HERC2: variants seen among roughly 807,000 people sequenced by gnomAD.
HERC2 encodes HECT and RLD domain containing E3 ubiquitin protein ligase 2.
In HERC2, 102 loss-of-function variants were observed where a neutral mutation model predicts 537.7. The observed-to-expected ratio is 0.19, with a 90% CI of 0.16 to 0.22. The LOEUF (loss-of-function observed/expected upper bound fraction) is 0.22, where lower values mean the gene tolerates loss of function less well. Ranked by LOEUF, HERC2 falls within the 10% of genes least tolerant of loss-of-function variation. The pLI, the probability that HERC2 is intolerant of heterozygous loss-of-function variation, is 1.00. For synonymous variants in HERC2, 2,224 were observed against 2,466.2 expected (o/e 0.90, Z 2.91); for missense variants, 4,236 against 6,198.2 (o/e 0.68, Z 10.63).
At chr15:28,284,918 G>GA (rs1239894623) in intron 4 of HERC2, among the ~76,000 whole-genome samples, 2 of 38,516 alleles carry the variant, frequency 5.2e-5, no homozygotes, top group Non-Finnish European at 1.1e-4. Flanking sequence ...ACTCCGTCTC[G>GA]GAAAAAAAAA....
chr15:28,311,778 G>A (rs2076952387), intron 2 of HERC2, among the ~76,000 whole-genome samples: 2 of 152,158 alleles, frequency 1.3e-5, no homozygotes, highest in Admixed American at 1.3e-4. Context: ...AGACCTGAAA[G>A]CACTCTAAGA....
chr15:28,244,086 C>T (rs1903416030), intron 23 of HERC2, among the ~76,000 whole-genome samples: 4 of 151,994 alleles, frequency 2.6e-5, no homozygotes, highest in Admixed American at 2.0e-4. Context: ...TCTGCTTGAG[C>T]CGGGGAGGTC....
intron 74 of HERC2, among the ~76,000 whole-genome samples, 192 bp from the exon 75 acceptor site, chr15:28,143,144 G>A (rs1350537156): frequency 6.6e-6 from 1 of 152,106 alleles, no homozygotes; most frequent in Non-Finnish European, 1.5e-5. Context: ...AAAAAGAGGA[G>A]TTTGAAGACT....
chr15:28,160,778 T>C (rs1195884826), intron 69 of HERC2, among the ~76,000 whole-genome samples: 1 of 152,210 alleles, frequency 6.6e-6, no homozygotes, highest in Non-Finnish European at 1.5e-5. Context: ...GAGATGAACC[T>C]GGTATCTCAG....
At chr15:28,282,394 G>T (rs2076042078) in intron 4 of HERC2, among the ~76,000 whole-genome samples, 2 of 151,992 alleles carry the variant, frequency 1.3e-5, no homozygotes, top group Admixed American at 6.6e-5. Flanking sequence ...AATTAAAAAC[G>T]GTCACGATAA....
At position 28,125,023 on chromosome 15, in the gene HERC2, C is replaced by A; in HGVS notation, c.12973G>T (p.Gly4325Cys). The A allele has an allele frequency of 1.2e-6, 2 of 1,601,952 alleles. No individual in the cohort carries two copies. Among genetic ancestry groups the A allele is most frequent in the South Asian group, 2.2e-5 (2 of 90,858 alleles). ...GGACTCACCTGTGCAGGGAGTTTGCCAGCACTGGCGGGCTTGCTGGTCGAC... is the reference window on the plus strand; with the variant it reads ...GGACTCACCTGTGCAGGGAGTTTGCAAGCACTGGCGGGCTTGCTGGTCGAC... ...AWSTSKPASA[G>C]KLPAQVPMEY... The change falls in exon 84 of 93, where the codon GGC becomes TGC. Residue 4325 changes from glycine to cysteine, a missense_variant. Transcript: ENST00000261609.
intron 5 of HERC2, among the ~76,000 whole-genome samples, chr15:28,278,741 G>A (rs761667214): frequency 1.3e-5 from 2 of 152,142 alleles, no homozygotes; most frequent in African/African-American, 2.4e-5. Context: ...TCTGCCTCCC[G>A]TACCTTCTAT....
chr15:28,293,131 T>C (rs2141146041), intron 3 of HERC2, 109 bp from the exon 4 acceptor site: 5 of 896,076 alleles, frequency 5.6e-6, no homozygotes, highest in East Asian at 2.4e-5. Context: ...ATTAACTGAA[T>C]GTTGGACAAC....
At chr15:28,218,289 G>A (rs1019953207) in intron 38 of HERC2, among the ~76,000 whole-genome samples, 200 bp downstream of exon 38, 106 of 152,156 alleles carry the variant, frequency 7.0e-4, no homozygotes, top group African/African-American at 2.5e-3. Flanking sequence ...AGCCCCAGAA[G>A]GAACCACCCT....
chr15:28,268,682 T>G lies in HERC2; in HGVS notation c.1447-66A>C. 3.0e-6 allele frequency: 4 copies of G among 1,346,888 alleles called. No homozygotes were observed. Among genetic ancestry groups the G allele is most frequent in the Non-Finnish European group, 4.1e-6 (4 of 966,148 alleles). The allele number at this position is 1,346,888 out of a possible 1,614,324, so 83.4% of individuals were successfully genotyped here. On this transcript the variant is annotated intron_variant, in intron 11 of 92. Transcript: ENST00000261609. The surrounding 1 kb of genome is among the most constrained non-coding windows in gnomAD (Gnocchi z 4.7). ...AAGGAAAATGAAACCAGCTCAGCTCTCCGTTATCATGTATCCCCAAGCAAA... is the reference window on the plus strand; with the variant it reads ...AAGGAAAATGAAACCAGCTCAGCTCGCCGTTATCATGTATCCCCAAGCAAA...
chr15:28,289,500 A>G (rs891588011), intron 4 of HERC2, among the ~76,000 whole-genome samples: 3 of 152,228 alleles, frequency 2.0e-5, no homozygotes, highest in Non-Finnish European at 2.9e-5. Context: ...AGAAAGAGGA[A>G]CTAAGCAGTG....
In HERC2 at chr15:28,113,504, C is replaced by T; in HGVS notation, c.14019+69G>A. ...CAGGGCAAGGTTCTGACTCTAACTG[C>T]TGTCACTGATTTGTGGGTCAGCAGG... On this transcript the variant is annotated intron_variant, in intron 91 of 92. Coordinates refer to ENST00000261609, the MANE Select transcript of HERC2 (RefSeq NM_004667.6). The surrounding 1 kb of genome is among the most constrained non-coding windows in gnomAD (Gnocchi z 7.0). 1 of 1,351,410 alleles carries T rather than the reference C, an allele frequency of 7.4e-7. No individual in the cohort carries two copies. The highest frequency in any genetic ancestry group is 1.1e-6 in the Non-Finnish European group (1 of 943,634). The allele number at this position is 1,351,410 out of a possible 1,614,324, so 83.7% of individuals were successfully genotyped here.
chr15:28,168,978 G>A (rs902080448), intron 66 of HERC2, among the ~76,000 whole-genome samples: 1 of 152,190 alleles, frequency 6.6e-6, no homozygotes, highest in Non-Finnish European at 1.5e-5. Context: ...ACGACTCAAT[G>A]GCCTCTACTG....
chr15:28,141,680 C>T (rs1426792009), intron 77 of HERC2, 50 bp from the exon 78 acceptor site: 30 of 1,610,250 alleles, frequency 1.9e-5, no homozygotes, highest in Non-Finnish European at 2.5e-5. Flanking sequence ...ACAATGCACA[C>T]AGCCTCTCAC....
chr15:28,236,399 TCCTA>T, intron 26 of HERC2, among the ~76,000 whole-genome samples: 1 of 152,102 alleles, frequency 6.6e-6, no homozygotes, highest in South Asian at 2.1e-4. Flanking sequence ...CAAGCAATTC[TCCTA>T]CCTCAGCCTC....
chr15:28,207,573 T>C (rs1181914460), intron 44 of HERC2, among the ~76,000 whole-genome samples: 1 of 152,140 alleles, frequency 6.6e-6, no homozygotes, highest in African/African-American at 2.4e-5. Flanking sequence ...AAATGTGTCA[T>C]GTGCTCAGGG....
intron 23 of HERC2, among the ~76,000 whole-genome samples, chr15:28,240,054 G>GT (rs202042453): frequency 6.6e-5 from 10 of 151,522 alleles, no homozygotes; most frequent in East Asian, 1.9e-4. Context: ...ATATTGTAGG[G>GT]TTTTTTTTTA....
intron 56 of HERC2, among the ~76,000 whole-genome samples, chr15:28,182,809 C>T (rs1895951256): frequency 6.6e-6 from 1 of 152,084 alleles, no homozygotes; most frequent in African/African-American, 2.4e-5. Context: ...TAAATACCAA[C>T]GTGAACATGG....
At chr15:28,219,895 A>G (rs1900338637) in intron 37 of HERC2, among the ~76,000 whole-genome samples, 1 of 152,172 alleles carries the variant, frequency 6.6e-6, no homozygotes. Flanking sequence ...ATCTCCACAG[A>G]TAGGATCTAG....
Sources: gnomAD v4.1 joint callset for allele counts (sites outside exome capture counted in the v4.1 genomes callset) on GRCh38, gnomAD v4.1.1 for gene constraint, Gnocchi (gnomAD v3.1) non-coding constraint, MANE v1.5 for transcripts, NCBI Gene and HGNC (gene_info 2026-07-23, HGNC 2026-07-21) for gene names.